Variants in DCT observed in about 807,000 individuals in gnomAD.
DCT encodes L-dopachrome tautomerase.
DCT carries 47 observed loss-of-function variants against 53.0 expected under a neutral mutation model. The ratio of observed to expected loss-of-function variants is 0.89; its 90% CI spans 0.70 to 1.13. DCT has a LOEUF of 1.13. DCT is among the 50% of genes most tolerant of loss of function. DCT has a pLI of 0.00. For synonymous variants in DCT, 244 were observed against 237.0 expected (o/e 1.03, Z -0.27); for missense variants, 669 against 637.4 (o/e 1.05, Z -0.53).
intron 1 of DCT, among the ~76,000 whole-genome samples, chr13:94,476,714 G>C (rs1243104453): frequency 6.6e-6 from 1 of 152,060 alleles, no homozygotes; most frequent in Non-Finnish European, 1.5e-5. Flanking sequence ...GACCCGTCTT[G>C]GCCTCCCAAA....
chr13:94,440,781 A>G lies in DCT; in HGVS notation c.1382-705T>C, dbSNP rs1281773645. Among the ~76,000 whole-genome samples, 3 of 147,932 alleles carry G rather than the reference A, an allele frequency of 2.0e-5. 1 individual carries two copies. Among genetic ancestry groups the G allele is most frequent in the African/African-American group, 7.6e-5 (3 of 39,718 alleles). On this transcript the variant is annotated intron_variant, in intron 7 of 7. Transcript: ENST00000377028. ...CTGCAACCTCTGCCTCCTGAGTTCA[A>G]GCGATTCTCCTGCCTCAGCCTCCCG...
the DCT span, among the ~76,000 whole-genome samples, chr13:94,508,010 A>G: frequency 6.6e-6 from 1 of 152,230 alleles, no homozygotes; most frequent in Non-Finnish European, 1.5e-5. Context: ...TCACATTTTT[A>G]TAAGTTTACA....
chr13:94,470,191 AG>A (rs2139355792), intron 1 of DCT, among the ~76,000 whole-genome samples: 1 of 152,356 alleles, frequency 6.6e-6, no homozygotes, highest in East Asian at 1.9e-4. Flanking sequence ...ACATTTAAAA[AG>A]CTGACTTATT....
At chr13:94,471,218 A>G (rs1884626516) in intron 1 of DCT, among the ~76,000 whole-genome samples, 1 of 152,118 alleles carries the variant, frequency 6.6e-6, no homozygotes, top group South Asian at 2.1e-4. Flanking sequence ...TCTACAGTGG[A>G]TTTTCTGATA....
At chr13:94,496,556 G>T in the DCT span, among the ~76,000 whole-genome samples, 6 of 152,226 alleles carry the variant, frequency 3.9e-5, no homozygotes, top group African/African-American at 1.4e-4. Context: ...ACAGTGGCAT[G>T]TACAGACCTT....
the DCT span, among the ~76,000 whole-genome samples, chr13:94,524,125 T>C: frequency 6.6e-6 from 1 of 152,178 alleles, no homozygotes; most frequent in Non-Finnish European, 1.5e-5. Context: ...AAGCTTTGGT[T>C]GCAACTCAAG....
the DCT span, among the ~76,000 whole-genome samples, chr13:94,484,919 C>T: frequency 6.6e-6 from 1 of 152,112 alleles, no homozygotes; most frequent in Non-Finnish European, 1.5e-5. Flanking sequence ...GTTTATTTTG[C>T]CTCTGTCCAA....
chr13:94,450,257 C>T (rs939788704), intron 6 of DCT, among the ~76,000 whole-genome samples: 2 of 152,070 alleles, frequency 1.3e-5, no homozygotes, highest in African/African-American at 2.4e-5. Context: ...TTTAGGCCAC[C>T]CAGTCTCTGG....
the DCT span, among the ~76,000 whole-genome samples, chr13:94,502,174 C>T: frequency 2.9e-5 from 1 of 34,074 alleles, no homozygotes; most frequent in Non-Finnish European, 4.6e-5. Context: ...CTTCACTGTT[C>T]CATAGCCCCA....
At chr13:94,530,451 C>T in the DCT span, among the ~76,000 whole-genome samples, 6 of 152,140 alleles carry the variant, frequency 3.9e-5, no homozygotes, top group South Asian at 2.1e-4. Flanking sequence ...ACAATCAAGT[C>T]GGCTTCATTC....
At chr13:94,463,978 C>T (rs1249553169) in intron 4 of DCT, among the ~76,000 whole-genome samples, 1 of 152,196 alleles carries the variant, frequency 6.6e-6, no homozygotes, top group African/African-American at 2.4e-5. Flanking sequence ...TGACGACATT[C>T]TAAAAATTTA....
At chr13:94,546,969 C>T in the DCT span, among the ~76,000 whole-genome samples, 1 of 152,036 alleles carries the variant, frequency 6.6e-6, no homozygotes, top group South Asian at 2.1e-4. This position sits in a 1 kb window ranked among gnomAD's most constrained non-coding sequence, Gnocchi z 4.2. Flanking sequence ...CAGCCCACCC[C>T]AAGGGAAGAA....
intron 7 of DCT, among the ~76,000 whole-genome samples, chr13:94,440,676 G>GTTTTTTTTTTT (rs761688508): frequency 1.0e-5 from 1 of 98,034 alleles, no homozygotes; most frequent in Non-Finnish European, 1.9e-5. Context: ...TCATTTTTTG[G>GTTTTTTTTTTT]TTTTTTTTTT....
chr13:94,491,465 A>T, the DCT span, among the ~76,000 whole-genome samples: 5 of 152,002 alleles, frequency 3.3e-5, no homozygotes, highest in Non-Finnish European at 5.9e-5. Flanking sequence ...CAATGACCTG[A>T]CTCCTAAATA....
Position 94,465,650 on chromosome 13 carries a change from C to T in DCT, c.846G>A (p.Trp282Ter). The change falls in exon 4 of 8, where the codon TGG (tryptophan) becomes TGA (stop). Residue 282 changes from tryptophan to a stop codon, truncating the protein, a stop_gained. Transcript: ENST00000377028. LOFTEE classifies it high-confidence loss of function. ...GCCATTACCTATCACAGACAGTTTC[C>T]CAGCTGGAGAATCTTGAGTTCCGAC... ...LISRNSRFSS[W>*]ETVCDSLDDY... 6.2e-7 allele frequency: 1 copy of T among 1,613,308 alleles called. No individual in the cohort carries two copies. Among genetic ancestry groups the T allele is most frequent in the Non-Finnish European group, 8.5e-7 (1 of 1,179,678 alleles).
At chr13:94,547,985 ATAT>A in the DCT span, among the ~76,000 whole-genome samples, 11,133 of 63,170 alleles carry the variant, frequency 0.18, 1,005 homozygotes, top group Non-Finnish European at 0.22. Flanking sequence ...AAAAAAAAAA[ATAT>A]ATATATATAT....
the DCT span, among the ~76,000 whole-genome samples, chr13:94,492,158 C>G: frequency 2.0e-5 from 3 of 152,306 alleles, no homozygotes; most frequent in South Asian, 6.2e-4. Context: ...ATCGTTCTCC[C>G]AACTCAACAG....
At chr13:94,478,838 C>G (rs1181559229) in intron 1 of DCT, 123 bp downstream of exon 1, 1 of 956,332 alleles carries the variant, frequency 1.0e-6, no homozygotes, top group African/African-American at 1.6e-5. Context: ...CGACCAAAAC[C>G]ATCATTGGTT....
the DCT span, among the ~76,000 whole-genome samples, chr13:94,505,573 T>A: frequency 6.6e-6 from 1 of 152,198 alleles, no homozygotes; most frequent in Non-Finnish European, 1.5e-5. Flanking sequence ...GGAGCATATT[T>A]TCCTTTTCGG....
Sources: gnomAD v4.1 joint callset for allele counts (sites outside exome capture counted in the v4.1 genomes callset) on GRCh38, gnomAD v4.1.1 for gene constraint, Gnocchi (gnomAD v3.1) non-coding constraint, MANE v1.5 for transcripts, NCBI Gene and HGNC (gene_info 2026-07-23, HGNC 2026-07-21) for gene names.